The following DDX18 variants were observed in gnomAD, a reference collection of about 807,000 sequenced individuals.
The protein encoded by DDX18 is ATP-dependent RNA helicase DDX18.
In DDX18, 23 loss-of-function variants were observed where a neutral mutation model predicts 73.5. The ratio of observed to expected loss-of-function variants is 0.31; its 90% CI spans 0.23 to 0.44. The LOEUF (loss-of-function observed/expected upper bound fraction) is 0.44. Ranked by LOEUF, DDX18 falls within the 20% of genes least tolerant of loss-of-function variation. The pLI, the probability that DDX18 is intolerant of heterozygous loss-of-function variation, is 1.00. For synonymous variants in DDX18, 268 were observed against 282.7 expected (o/e 0.95, Z 0.52); for missense variants, 753 against 792.9 (o/e 0.95, Z 0.60).
At chr2:117,824,381 C>T in intron 7 of DDX18, 188 bp from the exon 8 acceptor site, 1 of 461,334 alleles carries the variant, frequency 2.2e-6, no homozygotes, top group Non-Finnish European at 3.5e-6. Context: ...TCCATTTCAT[C>T]TAAGTCCTCA....
chr2:117,819,264 A>T (rs1409750460), intron 2 of DDX18, among the ~76,000 whole-genome samples: 1 of 152,204 alleles, frequency 6.6e-6, no homozygotes, highest in African/African-American at 2.4e-5. Flanking sequence ...CTTCCTTTAC[A>T]GTCTATCTCT....
At chr2:117,814,920 C>T (rs1679730929) in intron 1 of DDX18, 58 bp downstream of exon 1, 9 of 1,569,524 alleles carry the variant, frequency 5.7e-6, no homozygotes, top group African/African-American at 1.4e-5. Context: ...CTGGCGCGTT[C>T]GGGCGGCCGG....
At chr2:117,818,968 C>A (rs975612801) in intron 2 of DDX18, among the ~76,000 whole-genome samples, 5 of 152,182 alleles carry the variant, frequency 3.3e-5, no homozygotes, top group Non-Finnish European at 5.9e-5. Context: ...AGGGAGGAGA[C>A]CAGTACTGAG....
At chr2:117,827,511 C>T (rs976586854) in intron 11 of DDX18, 15 of 136,432 alleles carry the variant, frequency 1.1e-4, no homozygotes, top group African/African-American at 3.2e-4. Flanking sequence ...CGACAGGCCC[C>T]GGTGTGTGAT....
chr2:117,823,814 T>G (rs1014540072), intron 7 of DDX18, among the ~76,000 whole-genome samples: 2 of 152,200 alleles, frequency 1.3e-5, no homozygotes, highest in African/African-American at 4.8e-5. Flanking sequence ...TTTATCAGAT[T>G]GAGGAAGATC....
At chr2:117,824,465 A>C (rs1679892168) in intron 7 of DDX18, 104 bp from the exon 8 acceptor site, 8 of 1,067,602 alleles carry the variant, frequency 7.5e-6, no homozygotes, top group Non-Finnish European at 1.0e-5. Flanking sequence ...TAGAAACATC[A>C]TATCTCCCAT....
Position 117,819,866 on chromosome 2 carries a change from T to C in DDX18, c.514+74T>C, listed in dbSNP as rs1229565992. ...TCTTAGAGGATTATAGGTTTGAAGGTTCAGTTGTGACTTTCAGTTTACCTG... is the reference window on the plus strand; with the variant it reads ...TCTTAGAGGATTATAGGTTTGAAGGCTCAGTTGTGACTTTCAGTTTACCTG... On this transcript the variant is annotated intron_variant, in intron 3 of 13. Coordinates refer to ENST00000263239, the MANE Select transcript of DDX18 (RefSeq NM_006773.4). The C allele has an allele frequency of 2.2e-6, 3 of 1,338,312 alleles. No homozygotes were observed. The Admixed American group carries it at 9.0e-5, about 40-fold the overall frequency. 82.9% of individuals were successfully genotyped at this position (1,338,312 alleles called of 1,614,324 possible). A position where few individuals can be genotyped will look rare whatever the true frequency, so the allele number is the denominator to read the frequency against.
intron 1 of DDX18, chr2:117,815,709 C>T (rs1179189044): frequency 3.3e-5 from 5 of 152,200 alleles, no homozygotes; most frequent in Admixed American, 6.5e-5. Flanking sequence ...AGCATTACTA[C>T]TTTTCAGCGC....
In DDX18 at chr2:117,830,667, C is replaced by A. The variant is rs147061951; in HGVS notation, c.1956C>A (p.Ser652=). The change falls in exon 14 of 14, where the codon TCC becomes TCA. Residue 652 remains serine, a synonymous_variant. Transcript: ENST00000263239. ...GYQKTKKVEK[S]KIFKHISKKS... is the part of the protein sequence containing the mutation. ...AGAAAACCAAGAAAGTTGAGAAATC[C>A]AAAATCTTTAAACACATTAGCAAGA... 254 of 1,613,456 alleles carry A rather than the reference C, an allele frequency of 1.6e-4. No homozygotes were observed. The highest frequency in any genetic ancestry group is 1.2e-3 in the Middle Eastern group (7 of 6,076).
chr2:117,820,381 C>G (rs1208822887), intron 3 of DDX18, among the ~76,000 whole-genome samples: 1 of 152,180 alleles, frequency 6.6e-6, no homozygotes, highest in African/African-American at 2.4e-5. Flanking sequence ...ACAGTTTTAG[C>G]ACTGAAAGTT....
intron 11 of DDX18, chr2:117,827,482 T>TC (rs1439269279): frequency 1.5e-5 from 2 of 132,642 alleles, no homozygotes; most frequent in Non-Finnish European, 3.2e-5. Context: ...TGCTATCCCT[T>TC]CCCCCTCCCC....
rs1170114864 is a variant in DDX18, at chr2:117,828,828, C to G, written c.1636-121C>G. On this transcript the variant is annotated intron_variant, in intron 11 of 13. Transcript: ENST00000263239. ...ATCAACATTGGGAGACTAGAAAAAG[C>G]AGATTTTCCTTTCTGTCCTGAGGGA... 4.4e-6 allele frequency: 3 copies of G among 687,448 alleles called. No homozygotes were observed. In the African/African-American group the frequency reaches 5.4e-5, roughly 12 times the overall value. 42.6% of individuals were successfully genotyped at this position (687,448 alleles called of 1,614,324 possible).
Position 117,821,313 on chromosome 2 carries a change from A to G in DDX18, c.650+17A>G, listed in dbSNP as rs1208203144. 6.3e-7 allele frequency: 1 copy of G among 1,589,408 alleles called. No homozygotes were observed. The stretch of plus-strand genomic sequence containing the variant: ...GGAAGGCAGGTATGATTAACATTGA[A>G]GCTTAGATATTGGCATCTATTTTTA... On this transcript the variant is annotated intron_variant, in intron 4 of 13. Transcript: ENST00000263239.
chr2:117,823,585 A>G (rs1679880031), intron 7 of DDX18, among the ~76,000 whole-genome samples: 1 of 151,956 alleles, frequency 6.6e-6, no homozygotes, highest in South Asian at 2.1e-4. Context: ...AGCCTTTTGG[A>G]TTTTCTATAT....
chr2:117,825,090 T>G lies in DDX18; in HGVS notation c.1357T>G (p.Leu453Val), dbSNP rs773402669. ...GCTGAACTACATTGATTTGCCCGTC[T>G]TGGCCATTCATGTAAGTGATGATGA... ...ELLNYIDLPV[L>V]AIHGKQKQNK... The change falls in exon 9 of 14, where the codon TTG (leucine) becomes GTG (valine). Residue 453 changes from leucine to valine, a missense_variant. Physicochemically the swap from Leu to Val is conservative, Grantham distance 32. Around this residue, in one of 3 missense-constraint regions of DDX18, gnomAD observed 402 missense variants for 419.4 expected, o/e 0.96. Coordinates refer to ENST00000263239, the MANE Select transcript of DDX18 (RefSeq NM_006773.4). 6.2e-7 allele frequency: 1 copy of G among 1,609,306 alleles called. No individual in the cohort carries two copies. The highest frequency in any genetic ancestry group is 1.3e-5 in the African/African-American group (1 of 74,578).
At chr2:117,823,952 A>C (rs1166207748) in intron 7 of DDX18, among the ~76,000 whole-genome samples, 1 of 152,210 alleles carries the variant, frequency 6.6e-6, no homozygotes, top group Non-Finnish European at 1.5e-5. Flanking sequence ...TGATTTTTCA[A>C]ATGTTGAACC....
At chr2:117,825,193 A>G (rs1018783735) in intron 9 of DDX18, 92 bp downstream of exon 9, 133 of 1,475,072 alleles carry the variant, frequency 9.0e-5, no homozygotes, top group Non-Finnish European at 1.1e-4. Context: ...TCCTGGAAAC[A>G]TTGTTCTGAG....
At chr2:117,825,921 A>C (rs1679918204) in intron 10 of DDX18, 2 of 397,176 alleles carry the variant, frequency 5.0e-6, no homozygotes. Flanking sequence ...GTGGTAGAAT[A>C]AGCTTCATTG....
chr2:117,830,478 G>A (rs948242791), intron 13 of DDX18, 104 bp from the exon 14 acceptor site: 1 of 1,327,610 alleles, frequency 7.5e-7, no homozygotes, highest in Non-Finnish European at 1.0e-6. Context: ...TGAGAATGGG[G>A]TTGTGGAGGA....
Sources: gnomAD v4.1 joint callset for allele counts (sites outside exome capture counted in the v4.1 genomes callset) on GRCh38, gnomAD v4.1.1 for gene constraint, gnomAD v4.1.1 regional missense constraint, MANE v1.5 for transcripts, NCBI Gene and HGNC (gene_info 2026-07-23, HGNC 2026-07-21) for gene names.